VAV2: variants seen among roughly 807,000 people sequenced by gnomAD.
VAV2 encodes the protein vav guanine nucleotide exchange factor 2.
Under a neutral mutation model 132.5 loss-of-function variants are expected in VAV2, and 67 were observed. The ratio of observed to expected loss-of-function variants is 0.51; its 90% CI spans 0.42 to 0.62. The LOEUF (loss-of-function observed/expected upper bound fraction) is 0.62, where lower values mean the gene tolerates loss of function less well. Among genes scored for constraint, VAV2 ranks in the 20% least tolerant of loss-of-function variants. The probability of loss-of-function intolerance (pLI) is 0.00; values close to 1 mark genes in which losing one functional copy is unlikely to be tolerated. For synonymous variants in VAV2, 492 were observed against 443.5 expected, an observed-to-expected ratio of 1.11 and a Z score of -1.37; for missense variants, 938 against 1,153.6, an observed-to-expected ratio of 0.81 and a Z score of 2.71.
rs996328323 is a variant in VAV2 at position 133,879,233 on chromosome 9, G to A, written c.322-17801C>T. Among the ~76,000 whole-genome samples the A allele has an allele frequency of 9.2e-5, 14 of 152,266 alleles. No individual in the cohort carries two copies. Among genetic ancestry groups the A allele is most frequent in the African/African-American group, 2.6e-4 (11 of 41,562 alleles). Reference sequence around the variant, plus strand: ...TGGGGGCTCTTGCTTCCTCACTCAGGTGTGCAATACACTTTGAGCAGCTGC... The same window carrying A: ...TGGGGGCTCTTGCTTCCTCACTCAGATGTGCAATACACTTTGAGCAGCTGC... On this transcript the variant is annotated intron_variant, in intron 2 of 29. Coordinates refer to ENST00000371850, the MANE Select transcript of VAV2 (RefSeq NM_001134398.2). The surrounding 1 kb of genome is among the most constrained non-coding windows in gnomAD (Gnocchi z 4.4).
chr9:133,839,478 T>A (rs1178487633), intron 3 of VAV2, among the ~76,000 whole-genome samples: 1 of 144,470 alleles, frequency 6.9e-6, no homozygotes, highest in Non-Finnish European at 1.5e-5. Flanking sequence ...TGAGACGGAG[T>A]CTCACACTGT....
chr9:133,879,330 G>A lies in VAV2; in HGVS notation c.322-17898C>T, dbSNP rs542201664. Among the ~76,000 whole-genome samples the A allele has an allele frequency of 1.1e-4, 17 of 152,244 alleles. No individual in the cohort carries two copies. In the South Asian group the frequency reaches 1.7e-3, roughly 15 times the overall value. On this transcript the variant is annotated intron_variant, in intron 2 of 29. Transcript: ENST00000371850. This position sits in a 1 kb window ranked among gnomAD's most constrained non-coding sequence, Gnocchi z 4.4. ...CCAGCAGGGTGTGATCAATGCCGCA[G>A]GGTAAAGAACAGAGCAGCTGGGAAG...
At position 133,784,390 on chromosome 9, in the gene VAV2, C is replaced by T. The variant is rs562583711; in HGVS notation, c.1561G>A (p.Ala521Thr). 2 of 1,614,184 alleles carry T rather than the reference C, an allele frequency of 1.2e-6. No homozygotes were observed. Among genetic ancestry groups the T allele is most frequent in the Admixed American group, 1.7e-5 (1 of 60,028 alleles). Residue 521 changes from alanine to threonine, a missense_variant, in exon 18 of 30, where the codon GCC (alanine) becomes ACC (threonine). Ala to Thr is a moderately conservative substitution (Grantham distance 58). Transcript: ENST00000371850. Reference sequence around the variant, plus strand: ...TACATCTGGAAACTGTGGTGGTTGGCATTGGCTTTGTCTGGCTTGATGTTT... The same window carrying T: ...TACATCTGGAAACTGTGGTGGTTGGTATTGGCTTTGTCTGGCTTGATGTTT... ...MSNIKPDKANANHHSFQMYTF... is the reference protein window; with the variant it reads ...MSNIKPDKANTNHHSFQMYTF...
intron 1 of VAV2, among the ~76,000 whole-genome samples, chr9:133,968,915 C>A (rs1842235831): frequency 6.6e-6 from 1 of 152,184 alleles, no homozygotes; most frequent in Non-Finnish European, 1.5e-5. Context: ...GAGGCTATTT[C>A]CCGATTAAAG....
At chr9:133,869,790 C>A (rs1012245198) in intron 2 of VAV2, among the ~76,000 whole-genome samples, 2 of 152,174 alleles carry the variant, frequency 1.3e-5, no homozygotes, top group Admixed American at 1.3e-4. Flanking sequence ...CTGGCCCCAG[C>A]CGCAGACCTT....
intron 2 of VAV2, among the ~76,000 whole-genome samples, chr9:133,903,849 C>A (rs930566039): frequency 2.0e-5 from 3 of 152,108 alleles, no homozygotes; most frequent in Non-Finnish European, 2.9e-5. Flanking sequence ...GAGGCAGAGA[C>A]CCTGAGCTTG....
chr9:133,915,641 C>T (rs1222607184), intron 2 of VAV2, among the ~76,000 whole-genome samples: 1 of 152,072 alleles, frequency 6.6e-6, no homozygotes, highest in Non-Finnish European at 1.5e-5. Flanking sequence ...CACACGCACA[C>T]GATGTACATG....
chr9:133,959,869 C>T (rs1841909891), intron 1 of VAV2, among the ~76,000 whole-genome samples: 1 of 152,196 alleles, frequency 6.6e-6, no homozygotes, highest in African/African-American at 2.4e-5. Flanking sequence ...GGGGACCCTC[C>T]CCTAGTGCCT....
chr9:133,860,084 C>G (rs779801270), intron 3 of VAV2, among the ~76,000 whole-genome samples: 4 of 152,116 alleles, frequency 2.6e-5, no homozygotes, highest in Admixed American at 2.0e-4. Flanking sequence ...GGGCAGATCA[C>G]CAGCTCAGGA....
Position 133,833,764 on chromosome 9 carries a change from C to T in VAV2, c.449+508G>A, listed in dbSNP as rs1183833785. 2.0e-5 allele frequency among the ~76,000 whole-genome samples: 3 copies of T among 152,140 alleles called. No homozygotes were observed. Among genetic ancestry groups the T allele is most frequent in the Admixed American group, 6.5e-5 (1 of 15,284 alleles). On this transcript the variant is annotated intron_variant, in intron 4 of 29. Transcript: ENST00000371850. The surrounding 1 kb of genome is among the most constrained non-coding windows in gnomAD (Gnocchi z 5.6). ...CTCAGAGAGAGGAATGAGGTGGACA[C>T]GGAGAAGAGCAGAGGCGGGTCCACC...
chr9:133,805,444 G>C (rs887819689), intron 9 of VAV2, among the ~76,000 whole-genome samples: 2 of 152,130 alleles, frequency 1.3e-5, no homozygotes, highest in Non-Finnish European at 2.9e-5. Context: ...TCCGTGGCTG[G>C]AAACGCCATC....
At chr9:133,785,238 C>T (rs1333008168) in intron 17 of VAV2, among the ~76,000 whole-genome samples, 1 of 152,228 alleles carries the variant, frequency 6.6e-6, no homozygotes, top group African/African-American at 2.4e-5. Flanking sequence ...CACCTGCCCG[C>T]AGAGCTCAAG....
At chr9:133,855,474 C>T (rs911807175) in intron 3 of VAV2, among the ~76,000 whole-genome samples, 1 of 152,222 alleles carries the variant, frequency 6.6e-6, no homozygotes, top group Non-Finnish European at 1.5e-5. Flanking sequence ...GGTTCCAGTG[C>T]TCTCCCGGCC....
At chr9:133,876,248 CCTGA>C (rs1838258097) in intron 2 of VAV2, among the ~76,000 whole-genome samples, 1 of 152,164 alleles carries the variant, frequency 6.6e-6, no homozygotes, top group African/African-American at 2.4e-5. Context: ...TCTGGAGAAC[CCTGA>C]CTAATACAAT....
At chr9:133,986,391 G>A (rs900274196) in intron 1 of VAV2, among the ~76,000 whole-genome samples, 7 of 152,242 alleles carry the variant, frequency 4.6e-5, no homozygotes, top group African/African-American at 1.4e-4. Context: ...CAGGTTGACA[G>A]AGGGGGACAC....
chr9:133,855,118 A>G (rs1837335305), intron 3 of VAV2, among the ~76,000 whole-genome samples: 1 of 152,230 alleles, frequency 6.6e-6, no homozygotes, highest in South Asian at 2.1e-4. Flanking sequence ...TGCCCAAGAG[A>G]GAAGGCTACA....
intron 1 of VAV2, among the ~76,000 whole-genome samples, chr9:133,966,726 A>T (rs531925256): frequency 1.3e-5 from 2 of 148,956 alleles, no homozygotes; most frequent in Admixed American, 6.7e-5. Context: ...TTAAAACTTT[A>T]AAAAAAAAAA....
rs531902625 is a variant in VAV2 at position 133,793,119 on chromosome 9, G to A, written c.1102-1250C>T. On this transcript the variant is annotated intron_variant, in intron 12 of 29. Coordinates refer to ENST00000371850, the MANE Select transcript of VAV2 (RefSeq NM_001134398.2). Reference sequence around the variant, plus strand: ...GGAAGTCCCTCTCTCCACGGGTCTGGCCACCCCCACTCCGGCGCCTGCCTG... The same window carrying A: ...GGAAGTCCCTCTCTCCACGGGTCTGACCACCCCCACTCCGGCGCCTGCCTG... Among the ~76,000 whole-genome samples the A allele has an allele frequency of 4.0e-5, 6 of 151,858 alleles. No homozygotes were observed. In the South Asian group the frequency reaches 1.3e-3, roughly 32 times the overall value.
Position 133,961,481 on chromosome 9 carries a change from G to A in VAV2, c.205-22262C>T, listed in dbSNP as rs75662662. On this transcript the variant is annotated intron_variant, in intron 1 of 29. Coordinates refer to ENST00000371850, the MANE Select transcript of VAV2 (RefSeq NM_001134398.2). This position sits in a 1 kb window ranked among gnomAD's most constrained non-coding sequence, Gnocchi z 4.1. ...TGGAATCCCCTTCTCCAACCCAGTC[G>A]GGTTTCAGTGACCCAAGGTCAGAGG... Among the ~76,000 whole-genome samples the A allele has an allele frequency of 4.6e-5, 7 of 152,124 alleles. No homozygotes were observed. In the South Asian group the frequency reaches 8.3e-4, roughly 18 times the overall value.
Sources: gnomAD v4.1 joint callset for allele counts (sites outside exome capture counted in the v4.1 genomes callset) on GRCh38, gnomAD v4.1.1 for gene constraint, Gnocchi (gnomAD v3.1) non-coding constraint, MANE v1.5 for transcripts, NCBI Gene and HGNC (gene_info 2026-07-23, HGNC 2026-07-21) for gene names.